Variants in NCOR2 observed in about 807,000 individuals in gnomAD.
NCOR2 encodes the protein nuclear receptor corepressor 2.
In NCOR2, 81 loss-of-function variants were observed where a neutral mutation model predicts 262.9. The ratio of observed to expected loss-of-function variants is 0.31; its 90% CI spans 0.26 to 0.37. The LOEUF is 0.37. Ranked by LOEUF, NCOR2 falls within the 10% of genes least tolerant of loss-of-function variation. The pLI is 1.00. For missense variants in NCOR2, 3,385 were observed against 3,621.4 expected, an observed-to-expected ratio of 0.93 and a Z score of 1.68; for synonymous variants, 1,659 against 1,559.3, an observed-to-expected ratio of 1.06 and a Z score of -1.51.
In NCOR2 at chr12:124,523,167, T is replaced by C. The variant is rs1460370848; in HGVS notation, c.-118+12398A>G. Among the ~76,000 whole-genome samples the C allele has an allele frequency of 1.3e-5, 2 of 152,198 alleles. No homozygotes were observed. Among genetic ancestry groups the C allele is most frequent in the Non-Finnish European group, 2.9e-5 (2 of 68,042 alleles). On this transcript the variant is annotated intron_variant, in intron 1 of 46. Coordinates refer to the NCOR2 transcript ENST00000404621. This position sits in a 1 kb window ranked among gnomAD's most constrained non-coding sequence, Gnocchi z 4.0. ...ACTCCAGGGCTGTTTTTCTGCATGT[T>C]GTTTTTATTTTTAAAAGGGGCCGCC...
chr12:124,551,973 C>T (rs2051727959), intron 1 of NCOR2, among the ~76,000 whole-genome samples: 1 of 151,942 alleles, frequency 6.6e-6, no homozygotes. Flanking sequence ...ATTTTCTGGT[C>T]AACCATTGGG....
chr12:124,376,832 C>T (rs1593278082), intron 18 of NCOR2, among the ~76,000 whole-genome samples: 1 of 152,216 alleles, frequency 6.6e-6, no homozygotes, highest in Non-Finnish European at 1.5e-5. Context: ...AGAAGGACCC[C>T]AGACGGGGCA....
chr12:124,425,046 G>A (rs1432694673), intron 11 of NCOR2, among the ~76,000 whole-genome samples: 2 of 152,184 alleles, frequency 1.3e-5, no homozygotes, highest in Non-Finnish European at 2.9e-5. Context: ...CTTTAAATGC[G>A]GCCCAATACA....
intron 22 of NCOR2, among the ~76,000 whole-genome samples, chr12:124,359,157 A>G (rs1367480434): frequency 1.3e-5 from 2 of 152,218 alleles, no homozygotes; most frequent in Admixed American, 6.5e-5. Context: ...CTTTGCTGAA[A>G]TCTGTCCTCA....
chr12:124,561,090 G>T (rs2052054674), intron 1 of NCOR2, among the ~76,000 whole-genome samples: 1 of 152,224 alleles, frequency 6.6e-6, no homozygotes, highest in Non-Finnish European at 1.5e-5. Flanking sequence ...TCCGGGTCCG[G>T]CTGGGTCAGC....
intron 1 of NCOR2, among the ~76,000 whole-genome samples, chr12:124,505,290 GC>G (rs891037375): frequency 2.6e-5 from 4 of 152,068 alleles, no homozygotes; most frequent in Admixed American, 2.0e-4. Flanking sequence ...CCCCAAGGGG[GC>G]CCCCCGGTGC....
At chr12:124,486,508 C>G (rs763550166) in exon 2 of NCOR2, 2 of 1,608,188 alleles carry the variant, frequency 1.2e-6, no homozygotes. Flanking sequence ...ATGATGGAGC[C>G]GGGCGACAGG....
Position 124,517,793 on chromosome 12 carries a change from C to A in NCOR2, c.-118+17772G>T, listed in dbSNP as rs929623305. Among the ~76,000 whole-genome samples the A allele has an allele frequency of 2.0e-5, 3 of 152,226 alleles. No homozygotes were observed. Among genetic ancestry groups the A allele is most frequent in the Non-Finnish European group, 4.4e-5 (3 of 68,032 alleles). On this transcript the variant is annotated intron_variant, in intron 1 of 46. Coordinates refer to the NCOR2 transcript ENST00000404621. The surrounding 1 kb of genome is among the most constrained non-coding windows in gnomAD (Gnocchi z 7.6). The stretch of plus-strand genomic sequence containing the variant: ...GCCTCACCCCGGCCTGCCCGGCCAG[C>A]GCCTCCGAGCGCTCTTTTCCGTGAC...
exon 24 of NCOR2, chr12:124,355,569 G>A (rs2037881383): frequency 6.4e-7 from 1 of 1,567,442 alleles, no homozygotes; most frequent in Non-Finnish European, 8.6e-7. Context: ...GGCAGTGGGT[G>A]ACCTGTGGAG....
chr12:124,549,454 G>C lies in NCOR2; in HGVS notation c.-164-13843C>G, dbSNP rs2051643485. ...TGCTGAGCTGGCTCCTTGGGGGCCT[G>C]GGGAGGAAGGCAACTGAGCCCCCTG... On this transcript the variant is annotated intron_variant, in intron 1 of 32. Transcript: ENST00000458234. The surrounding 1 kb of genome is among the most constrained non-coding windows in gnomAD (Gnocchi z 4.4). Among the ~76,000 whole-genome samples the C allele has an allele frequency of 6.6e-6, 1 of 152,132 alleles. No individual in the cohort carries two copies. Among genetic ancestry groups the C allele is most frequent in the South Asian group, 2.1e-4 (1 of 4,832 alleles).
chr12:124,481,651 T>C lies in NCOR2; in HGVS notation c.411+1945A>G, dbSNP rs1204552077. 2.0e-5 allele frequency among the ~76,000 whole-genome samples: 3 copies of C among 152,082 alleles called. No individual in the cohort carries two copies. The highest frequency in any genetic ancestry group is 4.4e-5 in the Non-Finnish European group (3 of 67,966). ...GCCTGGGAGGCTGTACGTGAGCGGT[T>C]GAGAGGGCTGCTGCAGGGAGATGAG... On this transcript the variant is annotated intron_variant, in intron 3 of 46. Transcript: ENST00000405201. The surrounding 1 kb of genome is among the most constrained non-coding windows in gnomAD (Gnocchi z 4.6).
intron 1 of NCOR2, among the ~76,000 whole-genome samples, chr12:124,528,755 C>T (rs573672111): frequency 3.7e-4 from 56 of 152,316 alleles, no homozygotes; most frequent in African/African-American, 1.1e-3. Flanking sequence ...CTGCAACAAA[C>T]GGAGCTGGCA....
rs573260735 is a variant in NCOR2, at chr12:124,559,709, G to C, written c.-165+7599C>G. Among the ~76,000 whole-genome samples, 11 of 152,338 alleles carry C rather than the reference G, an allele frequency of 7.2e-5. No homozygotes were observed. The East Asian group carries it at 2.1e-3, about 29-fold the overall frequency. On this transcript the variant is annotated intron_variant, in intron 1 of 32. Transcript: ENST00000458234. ...CTCAGGGCAAAGGGAAAAAAAATGA[G>C]AGACAAACAAATCCAAAATCAGGAT... is the stretch of plus-strand genomic sequence containing the variant.
chr12:124,501,929 G>A (rs1003973992), intron 1 of NCOR2, among the ~76,000 whole-genome samples: 3 of 152,178 alleles, frequency 2.0e-5, no homozygotes, highest in Admixed American at 6.5e-5. Context: ...AAGCCGGCCC[G>A]GGGGGAACTC....
chr12:124,527,416 T>A (rs765936700), intron 1 of NCOR2, among the ~76,000 whole-genome samples: 9 of 152,106 alleles, frequency 5.9e-5, no homozygotes, highest in Admixed American at 5.2e-4. Context: ...TGAAATAATT[T>A]TTTATTTATT....
intron 13 of NCOR2, 104 bp downstream of exon 15, chr12:124,419,853 T>A: frequency 9.7e-7 from 1 of 1,035,160 alleles, no homozygotes. Flanking sequence ...CAACAACTCA[T>A]GGAGACAGTT....
At chr12:124,536,696 G>A (rs190579994), upstream of NCOR2, among the ~76,000 whole-genome samples, 23 of 152,318 alleles carry the variant, frequency 1.5e-4, no homozygotes, top group East Asian at 2.7e-3. Context: ...ACCCTCACCC[G>A]TTGCCGACGG....
intron 13 of NCOR2, among the ~76,000 whole-genome samples, chr12:124,402,992 G>C (rs758394147): frequency 6.6e-6 from 1 of 152,278 alleles, no homozygotes; most frequent in Non-Finnish European, 1.5e-5. Flanking sequence ...GCTTACATCC[G>C]CATCTGGCCC....
chr12:124,505,815 C>CT (rs1368357572), intron 1 of NCOR2, among the ~76,000 whole-genome samples: 1 of 152,186 alleles, frequency 6.6e-6, no homozygotes, highest in Non-Finnish European at 1.5e-5. Flanking sequence ...AAGCCAGTCA[C>CT]TATGGCTATC....
Sources: gnomAD v4.1 joint callset for allele counts (sites outside exome capture counted in the v4.1 genomes callset) on GRCh38, gnomAD v4.1.1 for gene constraint, Gnocchi (gnomAD v3.1) non-coding constraint, MANE v1.5 for transcripts, NCBI Gene and HGNC (gene_info 2026-07-23, HGNC 2026-07-21) for gene names.